The following FHAD1 variants were observed in gnomAD, a reference collection of about 807,000 sequenced individuals.
FHAD1 encodes the protein forkhead associated phosphopeptide binding domain 1.
FHAD1 carries 146 observed loss-of-function variants against 191.3 expected under a neutral mutation model. The observed-to-expected ratio is 0.76, with a 90% CI of 0.67 to 0.88. FHAD1 has a LOEUF of 0.88. Ranked by LOEUF, FHAD1 falls within the 40% of genes least tolerant of loss-of-function variation. The pLI, the probability that FHAD1 is intolerant of heterozygous loss-of-function variation, is 0.00. For missense variants in FHAD1, 1,635 were observed against 1,785.8 expected, an observed-to-expected ratio of 0.92 and a Z score of 1.52; for synonymous variants, 616 against 672.3, an observed-to-expected ratio of 0.92 and a Z score of 1.29.
intron 14 of FHAD1, among the ~76,000 whole-genome samples, chr1:15,332,285 C>T (rs1426764892): frequency 6.6e-6 from 1 of 152,110 alleles, no homozygotes; most frequent in Non-Finnish European, 1.5e-5. Flanking sequence ...GGAACTAAAA[C>T]AAAGACCATG....
In FHAD1 at chr1:15,289,938, G is replaced by GC. The variant is rs1034912139; in HGVS notation, c.568+274dup. On this transcript the variant is annotated intron_variant, in intron 4 of 33. Transcript: ENST00000688493. The surrounding 1 kb of genome is among the most constrained non-coding windows in gnomAD (Gnocchi z 4.2). ...CACCAGGGCACCTGCAGTGGGTGTG[G>GC]CCTCTGTGTGTGTGTACATATGAGT... 1.1e-4 allele frequency among the ~76,000 whole-genome samples: 16 copies of GC among 152,150 alleles called. No homozygotes were observed. Among genetic ancestry groups the GC allele is most frequent in the African/African-American group, 2.7e-4 (11 of 41,430 alleles).
intron 14 of FHAD1, among the ~76,000 whole-genome samples, chr1:15,332,976 C>T (rs1431558826): frequency 2.0e-5 from 3 of 152,136 alleles, no homozygotes; most frequent in Non-Finnish European, 2.9e-5. Flanking sequence ...GCCCTTGCCC[C>T]GCCCCCAACT....
chr1:15,244,111 A>C (rs1264335678), upstream of FHAD1, among the ~76,000 whole-genome samples: 1 of 151,818 alleles, frequency 6.6e-6, no homozygotes, highest in South Asian at 2.1e-4. This position sits in a 1 kb window ranked among gnomAD's most constrained non-coding sequence, Gnocchi z 5.1. Context: ...GCAATGTACA[A>C]CTCTCTTACT....
intron 29 of FHAD1, among the ~76,000 whole-genome samples, 194 bp downstream of exon 29, chr1:15,380,990 G>A (rs1700768908): frequency 6.6e-6 from 1 of 152,206 alleles, no homozygotes; most frequent in African/African-American, 2.4e-5. Flanking sequence ...TGGGTGGTTA[G>A]AATGAAGTGT....
chr1:15,358,071 C>T lies in FHAD1; in HGVS notation c.2563-39C>T, dbSNP rs1470065665. ...AAGGGGGCTGGGTAAATATGTATTC[C>T]TGAATGTCTGTTATTTTGCTACTTG... is the stretch of plus-strand genomic sequence containing the variant. On this transcript the variant is annotated intron_variant, in intron 20 of 33. Transcript: ENST00000688493. 5 of 1,419,954 alleles carry T rather than the reference C, an allele frequency of 3.5e-6. No homozygotes were observed. In the Admixed American group the frequency reaches 8.7e-5, roughly 25 times the overall value. The allele number at this position is 1,419,954 out of a possible 1,614,324, so 88.0% of individuals were successfully genotyped here.
chr1:15,365,963 T>C (rs1295801258), intron 24 of FHAD1, 30 bp downstream of exon 24: 1 of 1,422,204 alleles, frequency 7.0e-7, no homozygotes, highest in African/African-American at 1.4e-5. Flanking sequence ...TCTCTTGACC[T>C]CCTGACCCAC....
At position 15,312,955 on chromosome 1, in the gene FHAD1, CT is replaced by C; in HGVS notation, c.1040-101del. 1 of 1,428,882 alleles carries C rather than the reference CT, an allele frequency of 7.0e-7. No individual in the cohort carries two copies. The highest frequency in any genetic ancestry group is 9.5e-7 in the Non-Finnish European group (1 of 1,056,160). The allele number at this position is 1,428,882 out of a possible 1,614,324, so 88.5% of individuals were successfully genotyped here. The stretch of plus-strand genomic sequence containing the variant: ...AAGCTCCTGGGATCCTTGGAGACAC[CT>C]CCCTTCTCAGTGCCAGGCTCGTCAC... On this transcript the variant is annotated intron_variant, in intron 7 of 33. Transcript: ENST00000688493. The surrounding 1 kb of genome is among the most constrained non-coding windows in gnomAD (Gnocchi z 4.7).
In FHAD1 at chr1:15,328,444, C is replaced by T. The variant is rs185084325; in HGVS notation, c.1710+15C>T. 4.4e-5 allele frequency: 64 copies of T among 1,450,630 alleles called. No homozygotes were observed. The highest frequency in any genetic ancestry group is 1.7e-4 in the Admixed American group (6 of 35,178). The allele number at this position is 1,450,630 out of a possible 1,614,324, so 89.9% of individuals were successfully genotyped here. ...ACAGCTGCCAGGTGGCCCCTCCTTA[C>T]GCTTTCCACAAATGGTCTCTTTGTC... On this transcript the variant is annotated intron_variant, in intron 13 of 33. Transcript: ENST00000688493.
At chr1:15,244,649 C>T (rs1645789504), upstream of FHAD1, among the ~76,000 whole-genome samples, 1 of 152,064 alleles carries the variant, frequency 6.6e-6, no homozygotes, top group South Asian at 2.1e-4. This position sits in a 1 kb window ranked among gnomAD's most constrained non-coding sequence, Gnocchi z 5.1. Context: ...GGGGCTTCCC[C>T]CTGCATATTT....
intron 14 of FHAD1, among the ~76,000 whole-genome samples, chr1:15,337,817 G>T (rs1421219359): frequency 1.3e-5 from 2 of 151,376 alleles, no homozygotes; most frequent in Admixed American, 6.6e-5. Context: ...TCTGTCAGCC[G>T]CTGGAATAGG....
chr1:15,293,474 C>T (rs1000636737), intron 4 of FHAD1, among the ~76,000 whole-genome samples: 1 of 152,188 alleles, frequency 6.6e-6, no homozygotes, highest in Admixed American at 6.5e-5. Flanking sequence ...AATCTCAGCA[C>T]TTTGGGAGGC....
chr1:15,327,889 C>T lies in FHAD1; in HGVS notation c.1558-388C>T, dbSNP rs543753614. Reference sequence around the variant, plus strand: ...TCTCTATTAAAAATACAAAATTAGCCGGGCATGGTGGCGCGTGCCTGTAAT... The same window carrying T: ...TCTCTATTAAAAATACAAAATTAGCTGGGCATGGTGGCGCGTGCCTGTAAT... On this transcript the variant is annotated intron_variant, in intron 12 of 33. Transcript: ENST00000688493. This position sits in a 1 kb window ranked among gnomAD's most constrained non-coding sequence, Gnocchi z 5.1. 1.1e-3 allele frequency: 162 copies of T among 152,814 alleles called. No homozygotes were observed. Among genetic ancestry groups the T allele is most frequent in the Non-Finnish European group, 1.9e-3 (130 of 68,584 alleles). The allele number at this position is 152,814 out of a possible 1,614,324, so 9.5% of individuals were successfully genotyped here. A position where few individuals can be genotyped will look rare whatever the true frequency, so the allele number is the denominator to read the frequency against.
intron 3 of FHAD1, among the ~76,000 whole-genome samples, chr1:15,280,591 AC>A (rs1330507768): frequency 6.6e-6 from 1 of 151,842 alleles, no homozygotes; most frequent in East Asian, 1.9e-4. Flanking sequence ...CCGGCCCAAA[AC>A]CCCAGGGATC....
chr1:15,360,401 G>A, intron 21 of FHAD1, 77 bp from the exon 22 acceptor site: 1 of 1,306,750 alleles, frequency 7.7e-7, no homozygotes, highest in Non-Finnish European at 1.1e-6. Flanking sequence ...GCACCTATGT[G>A]TGTGCCCAGG....
At chr1:15,251,733 CA>C in intron 1 of FHAD1, 37 bp from the exon 2 acceptor site, 1 of 1,461,958 alleles carries the variant, frequency 6.8e-7, no homozygotes, top group Non-Finnish European at 9.3e-7. Context: ...TAGAGAACTA[CA>C]TTTTCTAACA....
chr1:15,244,143 A>G (rs2100607036), upstream of FHAD1, among the ~76,000 whole-genome samples: 1 of 152,278 alleles, frequency 6.6e-6, no homozygotes, highest in Middle Eastern at 3.4e-3. The surrounding 1 kb of genome is among the most constrained non-coding windows in gnomAD (Gnocchi z 5.1). Context: ...ATTATATCAT[A>G]AAACCCTAAG....
chr1:15,275,471 C>G (rs1657985761), intron 3 of FHAD1, among the ~76,000 whole-genome samples: 1 of 152,120 alleles, frequency 6.6e-6, no homozygotes, highest in African/African-American at 2.4e-5. Context: ...CTCAGAAGAC[C>G]CCCTGTCCGC....
rs1220514296 is a variant in FHAD1 at position 15,362,665 on chromosome 1, G to A, written c.2986G>A (p.Asp996Asn). The change falls in exon 23 of 34, where the codon GAC becomes AAC. Residue 996 changes from aspartate to asparagine, a missense_variant. Transcript: ENST00000688493. The stretch of plus-strand genomic sequence containing the variant: ...AGCCCCAAAGGAGGAAAGGCCGCAA[G>A]ACCCTCTGGTGGCTCCCATGACAGA... ...DPAPKEERPQ[D>N]PLVAPMTESS... is the part of the protein sequence containing the mutation. 1 of 1,551,812 alleles carries A rather than the reference G, an allele frequency of 6.4e-7. No individual in the cohort carries two copies. Among genetic ancestry groups the A allele is most frequent in the East Asian group, 2.4e-5 (1 of 40,928 alleles).
Position 15,308,025 on chromosome 1 carries a change from C to T in FHAD1, c.916-588C>T, listed in dbSNP as rs528764532. On this transcript the variant is annotated intron_variant, in intron 6 of 33. Coordinates refer to ENST00000688493, the MANE Select transcript of FHAD1 (RefSeq NM_001391957.1). The stretch of plus-strand genomic sequence containing the variant: ...GATTACAGGCGTGAGCCACTGCGCC[C>T]GGCCTAAACCTCTTTTTCTTCCCAG... Among the ~76,000 whole-genome samples the T allele has an allele frequency of 4.8e-4, 73 of 152,136 alleles. 1 individual carries two copies. The South Asian group carries it at 0.012, about 26-fold the overall frequency.
Sources: gnomAD v4.1 joint callset for allele counts (sites outside exome capture counted in the v4.1 genomes callset) on GRCh38, gnomAD v4.1.1 for gene constraint, Gnocchi (gnomAD v3.1) non-coding constraint, MANE v1.5 for transcripts, NCBI Gene and HGNC (gene_info 2026-07-23, HGNC 2026-07-21) for gene names.